GPHN: variants seen among roughly 807,000 people sequenced by gnomAD.
GPHN encodes the protein gephyrin.
A neutral mutation model predicts 95.5 loss-of-function variants in GPHN; 17 were observed. That is an observed-to-expected ratio of 0.18 (90% confidence interval 0.12 to 0.27). The LOEUF is 0.27. Among genes scored for constraint, GPHN ranks in the 10% least tolerant of loss-of-function variants. GPHN has a pLI of 1.00. For synonymous variants in GPHN, 320 were observed against 322.5 expected (o/e 0.99, Z 0.08); for missense variants, 660 against 978.1 (o/e 0.67, Z 4.34).
intron 4 of GPHN, among the ~76,000 whole-genome samples, chr14:66,872,925 C>T (rs1470397199): frequency 4.7e-5 from 7 of 149,934 alleles, no homozygotes; most frequent in Non-Finnish European, 7.4e-5. Context: ...TATCCTAAAA[C>T]TCCTAGTATA....
At chr14:67,627,263 A>ATG in the GPHN span, among the ~76,000 whole-genome samples, 6 of 146,248 alleles carry the variant, frequency 4.1e-5, no homozygotes, top group Non-Finnish European at 6.0e-5. Flanking sequence ...GGAGATATAT[A>ATG]TATATATATA....
chr14:66,923,030 T>A, intron 7 of GPHN, 92 bp downstream of exon 7: 1 of 1,060,028 alleles, frequency 9.4e-7, no homozygotes, highest in Non-Finnish European at 1.4e-6. Flanking sequence ...TCCCTACATT[T>A]AATACTTCTT....
At chr14:67,577,233 C>G in the GPHN span, 1 of 932,772 alleles carries the variant, frequency 1.1e-6, no homozygotes, top group African/African-American at 1.6e-5. Context: ...TTAAAGATGG[C>G]GGTGAGTGGG....
chr14:67,455,821 A>G, the GPHN span, among the ~76,000 whole-genome samples: 8 of 152,346 alleles, frequency 5.3e-5, no homozygotes, highest in South Asian at 2.1e-4. Flanking sequence ...CACTAGGAGG[A>G]GAAAGCAGTG....
intron 9 of GPHN, 45 bp downstream of exon 9, chr14:66,965,370 A>T: frequency 6.4e-7 from 1 of 1,572,458 alleles, no homozygotes; most frequent in South Asian, 1.1e-5. Context: ...TTCTATAGTA[A>T]TCTGGGAAAA....
chr14:67,569,425 A>G, the GPHN span, among the ~76,000 whole-genome samples: 6 of 152,222 alleles, frequency 3.9e-5, no homozygotes, highest in Non-Finnish European at 7.3e-5. Context: ...ATCACAGGAA[A>G]GTAGCCAGTC....
At chr14:67,098,712 C>G (rs963963767) in intron 12 of GPHN, among the ~76,000 whole-genome samples, 2 of 151,838 alleles carry the variant, frequency 1.3e-5, no homozygotes, top group African/African-American at 4.8e-5. Flanking sequence ...ATCCCAGCTA[C>G]TCAGGAGGCT....
At chr14:67,692,225 T>C in the GPHN span, 2 of 538,696 alleles carry the variant, frequency 3.7e-6, no homozygotes, top group Non-Finnish European at 6.5e-6. Context: ...TCTTACTCAC[T>C]GCTATGACGT....
intron 2 of GPHN, among the ~76,000 whole-genome samples, chr14:66,687,985 G>A (rs911779503): frequency 3.3e-5 from 5 of 152,004 alleles, no homozygotes; most frequent in African/African-American, 1.2e-4. Flanking sequence ...TGAACATTTA[G>A]GTGTAACTTT....
At chr14:67,651,324 C>A in the GPHN span, 10 of 1,610,618 alleles carry the variant, frequency 6.2e-6, no homozygotes, top group South Asian at 9.9e-5. Flanking sequence ...CTATCCACAT[C>A]CCTAACATCA....
chr14:67,630,291 C>T, the GPHN span, among the ~76,000 whole-genome samples: 1 of 152,220 alleles, frequency 6.6e-6, no homozygotes, highest in Non-Finnish European at 1.5e-5. Context: ...ATTTCACTCT[C>T]AAGTAAACAA....
chr14:66,708,864 A>T (rs1385591211), intron 2 of GPHN, among the ~76,000 whole-genome samples: 1 of 151,516 alleles, frequency 6.6e-6, no homozygotes, highest in Non-Finnish European at 1.5e-5. Flanking sequence ...AAAAGTCCCT[A>T]TCATCAATAT....
intron 2 of GPHN, among the ~76,000 whole-genome samples, chr14:66,682,566 A>G (rs1196511041): frequency 6.6e-6 from 1 of 152,072 alleles, no homozygotes; most frequent in African/African-American, 2.4e-5. Flanking sequence ...CCTGGCCAAC[A>G]TGGTGAAACC....
At chr14:67,530,994 C>T in the GPHN span, among the ~76,000 whole-genome samples, 1 of 152,224 alleles carries the variant, frequency 6.6e-6, no homozygotes, top group Non-Finnish European at 1.5e-5. Context: ...CCCATCCCGG[C>T]CTCATCTTCT....
At chr14:66,870,856 C>T (rs753444852) in intron 4 of GPHN, among the ~76,000 whole-genome samples, 25 of 152,118 alleles carry the variant, frequency 1.6e-4, no homozygotes, top group Non-Finnish European at 2.9e-4. Flanking sequence ...CAGTGTAATA[C>T]GGTGAACAAT....
chr14:67,158,267 G>A (rs369540994), intron 18 of GPHN, among the ~76,000 whole-genome samples: 10 of 145,004 alleles, frequency 6.9e-5, no homozygotes, highest in South Asian at 2.2e-4. Context: ...AGATCGCACC[G>A]TTGGACTCCA....
the GPHN span, among the ~76,000 whole-genome samples, chr14:67,401,329 AAAAT>A: frequency 2.6e-5 from 4 of 152,064 alleles, no homozygotes; most frequent in South Asian, 4.2e-4. Flanking sequence ...TCTATTAATA[AAAAT>A]AAATAAATAA....
intron 2 of GPHN, among the ~76,000 whole-genome samples, chr14:66,775,410 CA>C (rs1447975375): frequency 6.6e-6 from 1 of 152,080 alleles, no homozygotes; most frequent in Non-Finnish European, 1.5e-5. Flanking sequence ...CTGGGGGCCA[CA>C]ACCCTGTATG....
the GPHN span, chr14:67,446,975 G>C: frequency 1.2e-4 from 18 of 152,256 alleles, 1 homozygote; most frequent in Admixed American, 9.1e-4. Context: ...AGGGACTACA[G>C]AGCCTAAAAT....
Sources: allele counts gnomAD v4.1 joint callset (sites outside exome capture counted in the v4.1 genomes callset), GRCh38; gene constraint gnomAD v4.1.1; transcripts MANE v1.5; gene names NCBI Gene and HGNC (gene_info 2026-07-23, HGNC 2026-07-21).